NARS2: variants seen among roughly 807,000 people sequenced by gnomAD.
The protein encoded by NARS2 is asparaginyl-tRNA synthetase 2, mitochondrial, also known as asparaginyl-tRNA synthetase.
A neutral mutation model predicts 62.9 loss-of-function variants in NARS2; 60 were observed. The observed-to-expected ratio is 0.95, with a 90% CI of 0.77 to 1.18. The LOEUF (loss-of-function observed/expected upper bound fraction) is 1.18, where lower values mean the gene tolerates loss of function less well. Among genes scored for constraint, NARS2 ranks in the 50% most tolerant of loss-of-function variants. The pLI is 0.00. For synonymous variants in NARS2, 196 were observed against 200.0 expected (o/e 0.98, Z 0.17); for missense variants, 619 against 576.4 (o/e 1.07, Z -0.76).
intron 5 of NARS2, among the ~76,000 whole-genome samples, chr11:78,556,733 C>A (rs1416159453): frequency 1.3e-5 from 2 of 152,204 alleles, no homozygotes; most frequent in Non-Finnish European, 2.9e-5. Context: ...TTGACAGCCA[C>A]AACCTACAAT....
rs563387498 is a variant in NARS2 at position 78,493,170 on chromosome 11, C to G, written c.715G>C (p.Gly239Arg). Residue 239 changes from glycine (G) to arginine (R), a missense_variant, in exon 7 of 14, where the codon GGT becomes CGT. Coordinates refer to ENST00000281038, the MANE Select transcript of NARS2 (RefSeq NM_024678.6). ...SGAFTQVFTF[G>R]PTFRAENSQS... ...GAATTTTCAGCTCGGAAGGTCGGACCAAAGGTAAACACTTGAGTAAAAGCT... is the reference window on the plus strand; with the variant it reads ...GAATTTTCAGCTCGGAAGGTCGGACGAAAGGTAAACACTTGAGTAAAAGCT... 2.1e-5 allele frequency: 34 copies of G among 1,613,760 alleles called. No homozygotes were observed. The highest frequency in any genetic ancestry group is 2.6e-5 in the Non-Finnish European group (31 of 1,179,872).
chr11:78,498,796 TA>T (rs1211954810), intron 6 of NARS2, among the ~76,000 whole-genome samples: 2 of 151,790 alleles, frequency 1.3e-5, no homozygotes, highest in Non-Finnish European at 2.9e-5. Flanking sequence ...TGTGATTATT[TA>T]ACATCCATCT....
At chr11:78,552,704 C>T (rs753620671) in intron 5 of NARS2, among the ~76,000 whole-genome samples, 1 of 152,188 alleles carries the variant, frequency 6.6e-6, no homozygotes, top group African/African-American at 2.4e-5. Flanking sequence ...CTCCCCACTT[C>T]GAGTTCTCCC....
At chr11:78,452,449 T>G (rs1858005247) in intron 11 of NARS2, among the ~76,000 whole-genome samples, 1 of 151,488 alleles carries the variant, frequency 6.6e-6, no homozygotes, top group Non-Finnish European at 1.5e-5. Flanking sequence ...ACTCTGCCAC[T>G]CAGGCTGGAG....
intron 2 of NARS2, among the ~76,000 whole-genome samples, chr11:78,569,419 T>C (rs1009069076): frequency 6.6e-6 from 1 of 152,236 alleles, no homozygotes; most frequent in African/African-American, 2.4e-5. Flanking sequence ...CCTCCCAAAG[T>C]GCTGGGATTA....
intron 13 of NARS2, among the ~76,000 whole-genome samples, 192 bp downstream of exon 13, chr11:78,440,899 A>G (rs1056135622): frequency 2.6e-5 from 4 of 152,170 alleles, no homozygotes; most frequent in Admixed American, 2.0e-4. Flanking sequence ...GAGAGCTATT[A>G]TTACTATTTT....
rs1300723439 is a variant in NARS2 at position 78,492,642 on chromosome 11, T to C, written c.822+421A>G. 2.2e-4 allele frequency among the ~76,000 whole-genome samples: 34 copies of C among 152,216 alleles called. 1 individual carries two copies. The highest frequency in any genetic ancestry group is 2.2e-3 in the Admixed American group (34 of 15,266). The stretch of plus-strand genomic sequence containing the variant: ...TTTATGTAAGTATTACAGACATTTA[T>C]ATAATTATAAAGATGTTTGGTATAT... On this transcript the variant is annotated intron_variant, in intron 7 of 13. Coordinates refer to ENST00000281038, the MANE Select transcript of NARS2 (RefSeq NM_024678.6).
chr11:78,483,208 C>G (rs191807892), intron 7 of NARS2, among the ~76,000 whole-genome samples: 2 of 152,274 alleles, frequency 1.3e-5, no homozygotes, highest in East Asian at 1.9e-4. Flanking sequence ...GCTGAAAACT[C>G]TCAATAAACT....
At chr11:78,569,967 T>C (rs1856864583) in intron 2 of NARS2, among the ~76,000 whole-genome samples, 1 of 152,166 alleles carries the variant, frequency 6.6e-6, no homozygotes, top group Admixed American at 6.5e-5. Context: ...GGCAGGCAGA[T>C]CACTTGAGGT....
At chr11:78,522,022 T>C (rs1314250562) in intron 6 of NARS2, among the ~76,000 whole-genome samples, 1 of 152,114 alleles carries the variant, frequency 6.6e-6, no homozygotes, top group Non-Finnish European at 1.5e-5. Context: ...GGCATAATCA[T>C]AGCTTACTGC....
At chr11:78,560,640 T>G (rs890061917) in intron 4 of NARS2, among the ~76,000 whole-genome samples, 1 of 152,222 alleles carries the variant, frequency 6.6e-6, no homozygotes, top group Non-Finnish European at 1.5e-5. Flanking sequence ...CCGAATATGA[T>G]CCTTCTCAAA....
At chr11:78,441,729 G>C (rs1327404905) in intron 12 of NARS2, among the ~76,000 whole-genome samples, 1 of 150,292 alleles carries the variant, frequency 6.7e-6, no homozygotes, top group Non-Finnish European at 1.5e-5. Context: ...AAAAAGAAAA[G>C]AAAAGCACTA....
intron 6 of NARS2, among the ~76,000 whole-genome samples, chr11:78,508,640 A>C (rs1451755082): frequency 1.3e-5 from 2 of 152,092 alleles, no homozygotes; most frequent in African/African-American, 4.8e-5. Flanking sequence ...TAATGGCTGA[A>C]AACTTTCCAA....
At chr11:78,564,749 G>A (rs546355510) in intron 4 of NARS2, among the ~76,000 whole-genome samples, 114 of 152,336 alleles carry the variant, frequency 7.5e-4, no homozygotes, top group Non-Finnish European at 1.2e-3. Context: ...GCATAGCAAA[G>A]TTTCTGACAG....
chr11:78,557,590 T>C (rs1466787507), intron 5 of NARS2, among the ~76,000 whole-genome samples: 1 of 152,184 alleles, frequency 6.6e-6, no homozygotes, highest in East Asian at 1.9e-4. Context: ...GATCAATGAA[T>C]TCAAGAGTTT....
At chr11:78,572,217 C>T (rs995819870) in intron 1 of NARS2, among the ~76,000 whole-genome samples, 6 of 152,250 alleles carry the variant, frequency 3.9e-5, no homozygotes, top group Non-Finnish European at 8.8e-5. Flanking sequence ...AATTTCCAAA[C>T]GACTACTTTC....
intron 6 of NARS2, among the ~76,000 whole-genome samples, chr11:78,512,362 C>G (rs535810028): frequency 5.3e-4 from 81 of 152,262 alleles, no homozygotes; most frequent in African/African-American, 1.6e-3. Context: ...GCCACACTAC[C>G]TTGGCTTTTC....
At chr11:78,465,725 C>A in intron 11 of NARS2, 151 bp downstream of exon 11, 1 of 840,958 alleles carries the variant, frequency 1.2e-6, no homozygotes, top group East Asian at 2.8e-5. Context: ...CTGGGATCTT[C>A]TTTGGGAAAA....
rs555329134 is a variant in NARS2, at chr11:78,455,536, T to C, written c.1164+10340A>G. ...AAGTCCTCCTAAGGTCTTCTTTTAG[T>C]TACTACCCCTACCAAAAGTAACCTC... is the stretch of plus-strand genomic sequence containing the variant. On this transcript the variant is annotated intron_variant, in intron 11 of 13. Coordinates refer to ENST00000281038, the MANE Select transcript of NARS2 (RefSeq NM_024678.6). 2.3e-4 allele frequency among the ~76,000 whole-genome samples: 35 copies of C among 152,246 alleles called. No homozygotes were observed. The South Asian group carries it at 7.3e-3, about 32-fold the overall frequency.
Sources: allele counts gnomAD v4.1 joint callset (sites outside exome capture counted in the v4.1 genomes callset), GRCh38; gene constraint gnomAD v4.1.1; transcripts MANE v1.5; gene names NCBI Gene and HGNC (gene_info 2026-07-23, HGNC 2026-07-21).